The following PLEKHH2 variants were observed in gnomAD, a reference collection of about 807,000 sequenced individuals.
The protein encoded by PLEKHH2 is pleckstrin homology, MyTH4 and FERM domain containing H2.
In PLEKHH2, 129 loss-of-function variants were observed where a neutral mutation model predicts 187.9. The observed-to-expected ratio is 0.69, with a 90% CI of 0.59 to 0.79. The LOEUF (loss-of-function observed/expected upper bound fraction) is 0.79. Among genes scored for constraint, PLEKHH2 ranks in the 30% least tolerant of loss-of-function variants. The pLI is 0.00. For missense variants in PLEKHH2, 2,076 were observed against 1,751.2 expected (o/e 1.19, Z -3.31); for synonymous variants, 686 against 605.6 (o/e 1.13, Z -1.95).
rs1270568463 is a variant in PLEKHH2, at chr2:43,767,410, A to G, written c.*1812A>G. On this transcript the variant is annotated 3_prime_UTR_variant, in exon 30 of 30. Transcript: ENST00000282406. ...TACTTTATTGATAATGACAAAAAGA[A>G]TATTTTTTAAACCCCATCAAAATAG... 1 of 152,368 alleles carries G rather than the reference A, an allele frequency of 6.6e-6. No homozygotes were observed. The highest frequency in any genetic ancestry group is 2.4e-5 in the African/African-American group (1 of 41,456). 9.4% of individuals were successfully genotyped at this position (152,368 alleles called of 1,614,324 possible).
chr2:43,707,826 G>A (rs1669739309), intron 11 of PLEKHH2, among the ~76,000 whole-genome samples: 1 of 151,896 alleles, frequency 6.6e-6, no homozygotes, highest in South Asian at 2.1e-4. Context: ...TGGCCAAAAT[G>A]AGGTTTCTTT....
intron 27 of PLEKHH2, among the ~76,000 whole-genome samples, chr2:43,760,338 TAATGA>T (rs1315088403): frequency 6.6e-6 from 1 of 150,424 alleles, no homozygotes; most frequent in East Asian, 1.9e-4. Context: ...AAAATACACA[TAATGA>T]AATTTACCCT....
At chr2:43,674,984 C>CAA (rs57920523) in intron 2 of PLEKHH2, among the ~76,000 whole-genome samples, 4 of 104,184 alleles carry the variant, frequency 3.8e-5, no homozygotes, top group Admixed American at 2.1e-4. Flanking sequence ...GACTCCATTT[C>CAA]AAAAAAAAAA....
At position 43,694,419 on chromosome 2, in the gene PLEKHH2, T is replaced by C. The variant is rs1192794108; in HGVS notation, c.337-12T>C. 6.5e-7 allele frequency: 1 copy of C among 1,548,340 alleles called. No homozygotes were observed. Reference sequence around the variant, plus strand: ...TATGTTTGAACTAAACAAATTGCTATTGTTATTTCAGAAACAAATAAGAAT... The same window carrying C: ...TATGTTTGAACTAAACAAATTGCTACTGTTATTTCAGAAACAAATAAGAAT... On this transcript the variant is annotated splice_polypyrimidine_tract_variant and intron_variant, in intron 4 of 29. Transcript: ENST00000282406.
intron 19 of PLEKHH2, among the ~76,000 whole-genome samples, chr2:43,734,030 A>G (rs1346074205): frequency 1.3e-5 from 2 of 152,162 alleles, no homozygotes; most frequent in Non-Finnish European, 2.9e-5. Context: ...GATAATTTCA[A>G]TGCTGTTTAA....
intron 24 of PLEKHH2, among the ~76,000 whole-genome samples, chr2:43,748,310 T>G (rs1671861644): frequency 6.6e-6 from 1 of 152,228 alleles, no homozygotes; most frequent in African/African-American, 2.4e-5. Flanking sequence ...TGCATAGATA[T>G]TGGAAATCTA....
At position 43,764,362 on chromosome 2, in the gene PLEKHH2, C is replaced by T; in HGVS notation, c.4293C>T (p.Pro1431=). 1 of 1,612,436 alleles carries T rather than the reference C, an allele frequency of 6.2e-7. No homozygotes were observed. The highest frequency in any genetic ancestry group is 1.3e-5 in the African/African-American group (1 of 74,898). ...AATTACTTTTTGCCATGGCAAAACC[C>T]AAGGTGAGTAGAAGCCTTTCTGCCA... The part of the protein sequence containing the change: ...TEKLLFAMAK[P]KILEITLLIA... Residue 1431 remains proline (P), a synonymous_variant, in exon 29 of 30, where the codon CCC becomes CCT. Transcript: ENST00000282406.
chr2:43,757,640 G>A (rs971022649), intron 26 of PLEKHH2, among the ~76,000 whole-genome samples: 15 of 151,954 alleles, frequency 9.9e-5, no homozygotes, highest in African/African-American at 2.9e-4. Flanking sequence ...GGATGGTCTC[G>A]ATCTCCTGAC....
intron 2 of PLEKHH2, chr2:43,658,802 G>T (rs911293792): frequency 6.6e-6 from 1 of 152,112 alleles, no homozygotes; most frequent in African/African-American, 2.4e-5. Context: ...ACAATATCCT[G>T]TTGGTTGCAA....
At chr2:43,668,058 A>C (rs920807555) in intron 2 of PLEKHH2, among the ~76,000 whole-genome samples, 7 of 152,162 alleles carry the variant, frequency 4.6e-5, no homozygotes, top group African/African-American at 1.7e-4. Flanking sequence ...TTTGAGATGA[A>C]GTCCGGCTCT....
At chr2:43,668,704 G>A (rs1351443890) in intron 2 of PLEKHH2, among the ~76,000 whole-genome samples, 1 of 152,286 alleles carries the variant, frequency 6.6e-6, no homozygotes, top group African/African-American at 2.4e-5. Context: ...CCAGCACAAT[G>A]GTACCTGTCT....
chr2:43,759,171 A>G (rs1672332929), intron 27 of PLEKHH2, 142 bp downstream of exon 27: 10 of 1,298,994 alleles, frequency 7.7e-6, no homozygotes, highest in Non-Finnish European at 1.0e-5. Context: ...AAGAGACACT[A>G]GAGAAAGGGC....
intron 2 of PLEKHH2, among the ~76,000 whole-genome samples, chr2:43,648,560 C>CGTGTGTGTGTGT (rs71410194): frequency 6.5e-5 from 9 of 137,954 alleles, no homozygotes; most frequent in South Asian, 5.0e-4. Context: ...TAATTACATT[C>CGTGTGTGTGTGT]GTGTGTGTGT....
At position 43,706,389 on chromosome 2, in the gene PLEKHH2, C is replaced by T. The variant is rs751512137; in HGVS notation, c.1794C>T (p.Thr598=). The T allele has an allele frequency of 1.2e-6, 2 of 1,602,944 alleles. No individual in the cohort carries two copies. The highest frequency in any genetic ancestry group is 8.5e-7 in the Non-Finnish European group (1 of 1,170,078). Residue 598 remains threonine, a synonymous_variant, in exon 10 of 30, where the codon ACC becomes ACT. Transcript: ENST00000282406. The part of the protein sequence containing the change: ...LYTSLIYKNM[T]TPVYTTLKGK... Reference sequence around the variant, plus strand: ...CATCTCTGATATACAAGAACATGACCACCCCAGTGTATACAACTTTGAAGG... The same window carrying T: ...CATCTCTGATATACAAGAACATGACTACCCCAGTGTATACAACTTTGAAGG...
At chr2:43,726,251 A>C in intron 16 of PLEKHH2, 21 bp from the exon 17 acceptor site, 3 of 1,543,566 alleles carry the variant, frequency 1.9e-6, no homozygotes, top group Non-Finnish European at 2.7e-6. Flanking sequence ...CCTTCCTCAC[A>C]ATTACTAATA....
At position 43,719,068 on chromosome 2, in the gene PLEKHH2, A is replaced by G. The variant is rs1334514579; in HGVS notation, c.2461-1601A>G. Among the ~76,000 whole-genome samples, 4 of 152,092 alleles carry G rather than the reference A, an allele frequency of 2.6e-5. No individual in the cohort carries two copies. The South Asian group carries it at 6.2e-4, about 24-fold the overall frequency. On this transcript the variant is annotated intron_variant, in intron 15 of 29. Transcript: ENST00000282406. ...TGTCATCCTTTATTTACATTTTCTC[A>G]TTTGGTTCTCACAACAGCCCAGTTG...
In PLEKHH2 at chr2:43,707,694, T is replaced by G. The variant is rs1428661322; in HGVS notation, c.1966+149T>G. 4.8e-6 allele frequency: 4 copies of G among 828,758 alleles called. No individual in the cohort carries two copies. In the Admixed American group the frequency reaches 1.2e-4, roughly 26 times the overall value. 51.3% of individuals were successfully genotyped at this position (828,758 alleles called of 1,614,324 possible). A position where few individuals can be genotyped will look rare whatever the true frequency, so the allele number is the denominator to read the frequency against. On this transcript the variant is annotated intron_variant, in intron 11 of 29. Transcript: ENST00000282406. ...AACTTTAGCCTATGACTGATATGTTTATATTCCTAATTCTCTTCTTAATTC... is the reference window on the plus strand; with the variant it reads ...AACTTTAGCCTATGACTGATATGTTGATATTCCTAATTCTCTTCTTAATTC...
At chr2:43,655,019 A>T (rs1666682078) in intron 2 of PLEKHH2, among the ~76,000 whole-genome samples, 1 of 151,982 alleles carries the variant, frequency 6.6e-6, no homozygotes, top group Non-Finnish European at 1.5e-5. Context: ...CAACAGAGTG[A>T]GACTCCATCT....
At chr2:43,660,353 G>A (rs1667004419) in intron 2 of PLEKHH2, among the ~76,000 whole-genome samples, 1 of 151,550 alleles carries the variant, frequency 6.6e-6, no homozygotes, top group African/African-American at 2.4e-5. Flanking sequence ...TCACATACAG[G>A]TGTTTGGATG....
Sources: allele counts gnomAD v4.1 joint callset (sites outside exome capture counted in the v4.1 genomes callset), GRCh38; gene constraint gnomAD v4.1.1; transcripts MANE v1.5; gene names NCBI Gene and HGNC (gene_info 2026-07-23, HGNC 2026-07-21).